Variants in AGPAT3 observed in about 807,000 individuals in gnomAD.
AGPAT3 encodes 1-acylglycerol-3-phosphate O-acyltransferase 3, also known as 1-acyl-sn-glycerol-3-phosphate acyltransferase gamma.
A neutral mutation model predicts 47.3 loss-of-function variants in AGPAT3; 5 were observed. That is an observed-to-expected ratio of 0.11 (90% CI 0.06 to 0.22). AGPAT3 has a LOEUF of 0.22. Ranked by LOEUF, AGPAT3 falls within the 10% of genes least tolerant of loss-of-function variation. The probability of loss-of-function intolerance (pLI) is 1.00; values close to 1 mark genes in which losing one functional copy is unlikely to be tolerated. For missense variants in AGPAT3, 315 were observed against 493.0 expected (o/e 0.64, Z 3.42); for synonymous variants, 212 against 208.3 (o/e 1.02, Z -0.15).
At chr21:43,875,861 G>A (rs2085722561) in intron 1 of AGPAT3, among the ~76,000 whole-genome samples, 1 of 152,254 alleles carries the variant, frequency 6.6e-6, no homozygotes, top group Non-Finnish European at 1.5e-5. Context: ...ACCTGGCTTG[G>A]CCTCGCAAAG....
chr21:43,921,283 CCT>C (rs1184596414), intron 2 of AGPAT3, among the ~76,000 whole-genome samples: 1 of 152,186 alleles, frequency 6.6e-6, no homozygotes, highest in African/African-American at 2.4e-5. Context: ...GCCCTGTGCT[CCT>C]CTCCGCCCAG....
chr21:43,894,832 G>A (rs2086179646), intron 1 of AGPAT3, among the ~76,000 whole-genome samples: 1 of 152,082 alleles, frequency 6.6e-6, no homozygotes, highest in Non-Finnish European at 1.5e-5. Context: ...GGCATCAGTG[G>A]CCTCTGATTT....
Position 43,934,027 on chromosome 21 carries a change from C to T in AGPAT3, c.-48-25607C>T, listed in dbSNP as rs1034921461. 9.9e-5 allele frequency among the ~76,000 whole-genome samples: 15 copies of T among 152,234 alleles called. No homozygotes were observed. Among genetic ancestry groups the T allele is most frequent in the East Asian group, 1.9e-4 (1 of 5,198 alleles). On this transcript the variant is annotated intron_variant, in intron 2 of 9. Transcript: ENST00000291572. The surrounding 1 kb of genome is among the most constrained non-coding windows in gnomAD (Gnocchi z 4.7). Reference sequence around the variant, plus strand: ...TCCTTTCTCAGTCATGGCCAGCTGCCGAATGCCGTACCAGGGCAGGGGCAG... The same window carrying T: ...TCCTTTCTCAGTCATGGCCAGCTGCTGAATGCCGTACCAGGGCAGGGGCAG...
chr21:43,951,753 C>T (rs116128302), intron 2 of AGPAT3, among the ~76,000 whole-genome samples: 1,632 of 152,300 alleles, frequency 0.011, 30 homozygotes, highest in African/African-American at 0.037. Context: ...CTCATAGAAA[C>T]GAAGTTGCCG....
At chr21:43,957,507 GGGGGGTCTCGGGTTTCCCCTCCACAC>G (rs1235897233) in intron 2 of AGPAT3, among the ~76,000 whole-genome samples, 96 of 136,750 alleles carry the variant, frequency 7.0e-4, no homozygotes, top group African/African-American at 2.4e-3. Flanking sequence ...CCCTCCACAC[GGGGGGTCTCGGGTTTCCCCTCCACAC>G]GGGGGTCTCG....
intron 1 of AGPAT3, among the ~76,000 whole-genome samples, chr21:43,873,286 C>T (rs2085661641): frequency 6.6e-6 from 1 of 152,206 alleles, no homozygotes; most frequent in Admixed American, 6.5e-5. Flanking sequence ...AGGAGCTCCT[C>T]CAGGCCGCAA....
chr21:43,928,879 C>T (rs544914663), intron 2 of AGPAT3, among the ~76,000 whole-genome samples: 36 of 152,288 alleles, frequency 2.4e-4, no homozygotes, highest in African/African-American at 8.4e-4. Flanking sequence ...CCTCTTTTTG[C>T]CCTACGGAGT....
At chr21:43,927,981 G>C (rs901290339) in intron 2 of AGPAT3, among the ~76,000 whole-genome samples, 2 of 152,170 alleles carry the variant, frequency 1.3e-5, no homozygotes. Flanking sequence ...TGTTGGTGTT[G>C]GAGGAGAACA....
chr21:43,924,836 G>A (rs2087001830), intron 2 of AGPAT3, among the ~76,000 whole-genome samples: 1 of 152,218 alleles, frequency 6.6e-6, no homozygotes, highest in South Asian at 2.1e-4. Flanking sequence ...CTGCCGTGTT[G>A]GAGAGGCGTG....
At chr21:43,976,641 A>G (rs758778510) in intron 7 of AGPAT3, among the ~76,000 whole-genome samples, 5 of 152,240 alleles carry the variant, frequency 3.3e-5, no homozygotes, top group African/African-American at 9.6e-5. Flanking sequence ...TTTTGTTCTT[A>G]TATCAGTGTT....
intron 2 of AGPAT3, among the ~76,000 whole-genome samples, chr21:43,957,522 TC>T (rs1218709813): frequency 1.8e-5 from 2 of 112,870 alleles, no homozygotes; most frequent in Admixed American, 1.7e-4. Context: ...GTCTCGGGTT[TC>T]CCCTCCACAC....
At chr21:43,928,316 G>A (rs1177637245) in intron 2 of AGPAT3, among the ~76,000 whole-genome samples, 3 of 152,232 alleles carry the variant, frequency 2.0e-5, no homozygotes, top group Non-Finnish European at 2.9e-5. Flanking sequence ...GCTCAGAAAC[G>A]CTGACACAGC....
In AGPAT3 at chr21:43,893,800, C is replaced by T. The variant is rs111226246; in HGVS notation, c.-111-10157C>T. On this transcript the variant is annotated intron_variant, in intron 1 of 9. Transcript: ENST00000291572. ...ACGACCTTTTTCCACTCAGTTCCTC[C>T]TCTGATGGGGGCCCGGTTCACAGCA... is the stretch of plus-strand genomic sequence containing the variant. 7.8e-3 allele frequency among the ~76,000 whole-genome samples: 1,186 copies of T among 152,282 alleles called. 10 individuals carry two copies. Among genetic ancestry groups the T allele is most frequent in the African/African-American group, 0.027 (1,111 of 41,536 alleles).
chr21:43,952,090 A>G lies in AGPAT3; in HGVS notation c.-48-7544A>G, dbSNP rs2088224046. ...TGGCGGAACACGGGGATGGGCCCGT[A>G]CCTCTCCAGAACTACGGACCTGGGA... On this transcript the variant is annotated intron_variant, in intron 2 of 9. Transcript: ENST00000291572. This position sits in a 1 kb window ranked among gnomAD's most constrained non-coding sequence, Gnocchi z 5.6. Among the ~76,000 whole-genome samples, 1 of 151,976 alleles carries G rather than the reference A, an allele frequency of 6.6e-6. No homozygotes were observed. The highest frequency in any genetic ancestry group is 1.5e-5 in the Non-Finnish European group (1 of 67,978).
chr21:43,938,940 G>T (rs756291685), intron 2 of AGPAT3, among the ~76,000 whole-genome samples: 4 of 152,274 alleles, frequency 2.6e-5, no homozygotes, highest in East Asian at 3.9e-4. Context: ...GCCCCATCAC[G>T]CTCTCTCCTC....
intron 1 of AGPAT3, among the ~76,000 whole-genome samples, chr21:43,868,602 C>T (rs937382901): frequency 5.3e-5 from 8 of 152,172 alleles, no homozygotes. Context: ...ACAAGCTGTA[C>T]AAGGAAATAC....
chr21:43,875,143 G>T (rs950180170), intron 1 of AGPAT3, among the ~76,000 whole-genome samples: 1 of 152,014 alleles, frequency 6.6e-6, no homozygotes, highest in African/African-American at 2.4e-5. Flanking sequence ...ACCACGCCTG[G>T]GGTAATTTTT....
intron 6 of AGPAT3, 81 bp from the exon 7 acceptor site, chr21:43,971,307 A>T: frequency 7.9e-7 from 1 of 1,265,050 alleles, no homozygotes; most frequent in Non-Finnish European, 1.1e-6. Flanking sequence ...GCCGGGTCCC[A>T]GGTGGAACTT....
At chr21:43,967,771 C>G (rs1445921487) in intron 3 of AGPAT3, 175 bp from the exon 4 acceptor site, 5 of 646,904 alleles carry the variant, frequency 7.7e-6, no homozygotes, top group South Asian at 2.1e-5. Flanking sequence ...CCAACTGTTG[C>G]TTAGAGAAAG....
Sources: allele counts gnomAD v4.1 joint callset (sites outside exome capture counted in the v4.1 genomes callset), GRCh38; gene constraint gnomAD v4.1.1; non-coding constraint Gnocchi (gnomAD v3.1); transcripts MANE v1.5; gene names NCBI Gene and HGNC (gene_info 2026-07-23, HGNC 2026-07-21).